The following SLC16A12 variants were observed in gnomAD, a reference collection of about 807,000 sequenced individuals.
The protein encoded by SLC16A12 is solute carrier family 16 member 12, also known as monocarboxylate transporter 12.
In SLC16A12, 17 loss-of-function variants were observed where a neutral mutation model predicts 42.4. The observed-to-expected ratio is 0.40, with a 90% CI of 0.27 to 0.60. The LOEUF (loss-of-function observed/expected upper bound fraction) is 0.60. Among genes scored for constraint, SLC16A12 ranks in the 20% least tolerant of loss-of-function variants. SLC16A12 has a pLI of 0.42. For synonymous variants in SLC16A12, 224 were observed against 229.4 expected (o/e 0.98, Z 0.21); for missense variants, 544 against 623.0 (o/e 0.87, Z 1.35).
At chr10:89,523,573 C>A (rs1041847634) in intron 2 of SLC16A12, among the ~76,000 whole-genome samples, 1 of 152,216 alleles carries the variant, frequency 6.6e-6, no homozygotes, top group African/African-American at 2.4e-5. Context: ...TCCCTACCAA[C>A]CCCTGCTTCT....
chr10:89,513,373 T>G lies in SLC16A12; in HGVS notation c.-47+21128A>C, dbSNP rs370961988. ...AGTTACGTTGTCTCTGATTTCTCTCTCCCAAAAAGATGTGTGATTCAATCA... is the reference window on the plus strand; with the variant it reads ...AGTTACGTTGTCTCTGATTTCTCTCGCCCAAAAAGATGTGTGATTCAATCA... On this transcript the variant is annotated intron_variant, in intron 2 of 7. Coordinates refer to ENST00000371790, the MANE Select transcript of SLC16A12 (RefSeq NM_213606.4). Among the ~76,000 whole-genome samples the G allele has an allele frequency of 3.2e-4, 49 of 152,262 alleles. No homozygotes were observed. The East Asian group carries it at 5.6e-3, about 17-fold the overall frequency.
upstream of SLC16A12, among the ~76,000 whole-genome samples, chr10:89,539,975 C>CTCTT (rs1009588018): frequency 5.9e-5 from 8 of 135,764 alleles, no homozygotes; most frequent in Non-Finnish European, 1.1e-4. Context: ...CTTTCTTTCT[C>CTCTT]TCTTTCTTTC....
chr10:89,430,301 C>A lies in SLC16A12; in HGVS notation c.*2763G>T. ...CGAGGGAAAAATGTCTTTCCAAACA[C>A]AGGACAATAAATTCATTTTATTTTG... On this transcript the variant is annotated 3_prime_UTR_variant, in exon 8 of 8. Coordinates refer to ENST00000371790, the MANE Select transcript of SLC16A12 (RefSeq NM_213606.4). The A allele has an allele frequency of 4.4e-6, 1 of 227,528 alleles. No individual in the cohort carries two copies. The highest frequency in any genetic ancestry group is 8.5e-6 in the Non-Finnish European group (1 of 117,174). 14.1% of individuals were successfully genotyped at this position (227,528 alleles called of 1,614,324 possible).
intron 2 of SLC16A12, among the ~76,000 whole-genome samples, chr10:89,516,329 C>A (rs564998083): frequency 6.6e-6 from 1 of 152,300 alleles, no homozygotes; most frequent in African/African-American, 2.4e-5. Flanking sequence ...TGTCACCACT[C>A]GGCTACTTCA....
At chr10:89,460,865 A>C (rs1842288259) in intron 3 of SLC16A12, among the ~76,000 whole-genome samples, 1 of 152,172 alleles carries the variant, frequency 6.6e-6, no homozygotes, top group African/African-American at 2.4e-5. Flanking sequence ...CAACAGTGTA[A>C]AATCACTCAG....
chr10:89,433,935 T>A lies in SLC16A12; in HGVS notation c.1289-609A>T, dbSNP rs538259750. 1.4e-4 allele frequency among the ~76,000 whole-genome samples: 22 copies of A among 152,334 alleles called. No homozygotes were observed. The South Asian group carries it at 4.3e-3, about 30-fold the overall frequency. On this transcript the variant is annotated intron_variant, in intron 7 of 7. Transcript: ENST00000371790. Reference sequence around the variant, plus strand: ...TCTAAATTTTGAGGAAAACCGGGCATATGATATGCAAAATAGGGTCCACAA... The same window carrying A: ...TCTAAATTTTGAGGAAAACCGGGCAAATGATATGCAAAATAGGGTCCACAA...
At chr10:89,528,664 A>T (rs1171877065) in intron 2 of SLC16A12, among the ~76,000 whole-genome samples, 2 of 152,230 alleles carry the variant, frequency 1.3e-5, no homozygotes, top group Non-Finnish European at 2.9e-5. Flanking sequence ...ATGAAATTTT[A>T]TGTTTCAATA....
In SLC16A12 at chr10:89,457,321, C is replaced by T. The variant is rs192321265; in HGVS notation, c.200+5058G>A. 2.0e-4 allele frequency among the ~76,000 whole-genome samples: 30 copies of T among 152,182 alleles called. No homozygotes were observed. The East Asian group carries it at 3.7e-3, about 19-fold the overall frequency. ...ACCCCATTAAAAAGTGGGCAAAGGA[C>T]ATGAACAGATGCTTCTGAAAAGAAG... On this transcript the variant is annotated intron_variant, in intron 3 of 7. Coordinates refer to ENST00000371790, the MANE Select transcript of SLC16A12 (RefSeq NM_213606.4).
intron 2 of SLC16A12, among the ~76,000 whole-genome samples, chr10:89,479,944 A>C (rs1261755817): frequency 1.3e-5 from 2 of 152,230 alleles, no homozygotes; most frequent in African/African-American, 4.8e-5. Flanking sequence ...AGAGGCATTT[A>C]CATGTCTCCT....
chr10:89,487,408 A>G (rs1004298680), intron 2 of SLC16A12, among the ~76,000 whole-genome samples: 2 of 152,160 alleles, frequency 1.3e-5, no homozygotes, highest in Non-Finnish European at 2.9e-5. Context: ...GTAAGTTAAT[A>G]AAACCTCTAT....
intron 2 of SLC16A12, among the ~76,000 whole-genome samples, chr10:89,500,815 T>G (rs1440316187): frequency 8.6e-5 from 13 of 152,024 alleles, no homozygotes; most frequent in African/African-American, 2.7e-4. Flanking sequence ...GAAAAAGAAA[T>G]AAAGCACATC....
intron 2 of SLC16A12, among the ~76,000 whole-genome samples, chr10:89,472,487 C>CTTTTTTTTTTTTTTTTTTTTTTTTTTTT (rs71022567): frequency 4.4e-5 from 4 of 89,892 alleles, no homozygotes; most frequent in East Asian, 3.5e-4. Flanking sequence ...TCTTTTCTTT[C>CTTTTTTTTTTTTTTTTTTTTTTTTTTTT]TTTTTTTTTT....
intron 2 of SLC16A12, among the ~76,000 whole-genome samples, chr10:89,529,132 T>C (rs1223942212): frequency 6.6e-6 from 1 of 152,196 alleles, no homozygotes; most frequent in Admixed American, 6.5e-5. Flanking sequence ...TTTTTATTTT[T>C]TTGGTGGTTC....
At chr10:89,530,973 A>G (rs1287960649) in intron 2 of SLC16A12, among the ~76,000 whole-genome samples, 2 of 152,206 alleles carry the variant, frequency 1.3e-5, no homozygotes, top group African/African-American at 4.8e-5. Context: ...TTCAAGGTTC[A>G]TCCATGTCGC....
chr10:89,501,628 G>A (rs1284309958), intron 2 of SLC16A12, among the ~76,000 whole-genome samples: 3 of 152,166 alleles, frequency 2.0e-5, no homozygotes, highest in African/African-American at 7.2e-5. Context: ...GTGCATGCCT[G>A]TAGTCCCAGC....
intron 2 of SLC16A12, among the ~76,000 whole-genome samples, chr10:89,488,912 A>C (rs1188943338): frequency 6.6e-6 from 1 of 152,220 alleles, no homozygotes; most frequent in African/African-American, 2.4e-5. Flanking sequence ...ACGTATCAGG[A>C]AACGACTGGG....
chr10:89,502,444 C>CA (rs375249500), intron 2 of SLC16A12, among the ~76,000 whole-genome samples: 9 of 151,370 alleles, frequency 5.9e-5, no homozygotes, highest in Non-Finnish European at 8.8e-5. Flanking sequence ...GACTCCATCT[C>CA]AAAAAAACAA....
At chr10:89,434,030 T>A (rs978455860) in intron 7 of SLC16A12, among the ~76,000 whole-genome samples, 6 of 152,328 alleles carry the variant, frequency 3.9e-5, no homozygotes, top group South Asian at 2.1e-4. Context: ...AAGGTTTTTT[T>A]AAATTCCTTC....
chr10:89,440,862 A>G lies in SLC16A12; in HGVS notation c.448+246T>C, dbSNP rs566135462. 5.9e-5 allele frequency among the ~76,000 whole-genome samples: 9 copies of G among 152,304 alleles called. No homozygotes were observed. In the South Asian group the frequency reaches 1.9e-3, roughly 32 times the overall value. ...TCTGAGTACAGAATCTCAGTCATAC[A>G]CTAATTCCAAGGAGAAAGCTGCAGT... On this transcript the variant is annotated intron_variant, in intron 5 of 7. Transcript: ENST00000371790.
Sources: gnomAD v4.1 joint callset for allele counts (sites outside exome capture counted in the v4.1 genomes callset) on GRCh38, gnomAD v4.1.1 for gene constraint, MANE v1.5 for transcripts, NCBI Gene and HGNC (gene_info 2026-07-23, HGNC 2026-07-21) for gene names.